Variants in ERBIN observed in about 807,000 individuals in gnomAD.
The protein encoded by ERBIN is erbb2 interacting protein.
A neutral mutation model predicts 158.4 loss-of-function variants in ERBIN; 60 were observed. That is an observed-to-expected ratio of 0.38 (90% CI 0.31 to 0.47). The LOEUF (loss-of-function observed/expected upper bound fraction) is 0.47. Among genes scored for constraint, ERBIN ranks in the 20% least tolerant of loss-of-function variants. The pLI, the probability that ERBIN is intolerant of heterozygous loss-of-function variation, is 0.99. For missense variants in ERBIN, 1,610 were observed against 1,648.0 expected (o/e 0.98, Z 0.40); for synonymous variants, 594 against 557.2 (o/e 1.07, Z -0.93).
chr5:66,058,351 C>T (rs1759859225), intron 21 of ERBIN, among the ~76,000 whole-genome samples: 1 of 152,044 alleles, frequency 6.6e-6, no homozygotes, highest in East Asian at 1.9e-4. Context: ...TGAGAAGTGT[C>T]TGTTCATATG....
intron 21 of ERBIN, 40 bp from the exon 22 acceptor site, chr5:66,072,129 A>C: frequency 6.5e-7 from 1 of 1,540,348 alleles, no homozygotes; most frequent in Non-Finnish European, 8.8e-7. Context: ...TCACATCTTA[A>C]AGAACATTAT....
In ERBIN at chr5:66,053,389, A is replaced by C; in HGVS notation, c.2088-17A>C. 1 of 1,395,470 alleles carries C rather than the reference A, an allele frequency of 7.2e-7. No individual in the cohort carries two copies. The highest frequency in any genetic ancestry group is 1.9e-5 in the South Asian group (1 of 53,756). 86.4% of individuals were successfully genotyped at this position (1,395,470 alleles called of 1,614,324 possible). ...CTCGGCTTTATTATGTTTTTCATAA[A>C]ATTATCTTTATTTTAGGCAAGAAGA... On this transcript the variant is annotated splice_polypyrimidine_tract_variant and intron_variant, in intron 20 of 25. Transcript: ENST00000284037.
At chr5:65,940,150 C>A (rs902995759) in intron 1 of ERBIN, among the ~76,000 whole-genome samples, 2 of 151,376 alleles carry the variant, frequency 1.3e-5, no homozygotes, top group Non-Finnish European at 3.0e-5. Context: ...AGGAGCGTCT[C>A]TGCCCGGCCG....
At chr5:66,042,213 A>G (rs914183846) in intron 15 of ERBIN, among the ~76,000 whole-genome samples, 1 of 152,040 alleles carries the variant, frequency 6.6e-6, no homozygotes, top group Non-Finnish European at 1.5e-5. Flanking sequence ...TGTTTTGAGT[A>G]AAGGATAGTC....
intron 22 of ERBIN, among the ~76,000 whole-genome samples, chr5:66,073,910 G>A (rs973786283): frequency 2.6e-5 from 4 of 151,956 alleles, no homozygotes; most frequent in Admixed American, 6.6e-5. Flanking sequence ...ATGGAGTCTC[G>A]CTCTGTCACC....
intron 1 of ERBIN, among the ~76,000 whole-genome samples, chr5:65,927,492 C>G (rs992590380): frequency 4.6e-5 from 7 of 152,064 alleles, no homozygotes; most frequent in South Asian, 2.1e-4. Flanking sequence ...TTTCTTGTAA[C>G]TGATCCATTA....
intron 21 of ERBIN, among the ~76,000 whole-genome samples, chr5:66,056,775 G>A (rs1759623794): frequency 6.6e-6 from 1 of 152,070 alleles, no homozygotes; most frequent in Non-Finnish European, 1.5e-5. Context: ...GAAGTTACGA[G>A]GGGTGCTTGT....
chr5:66,041,511 A>G (rs1757915398), intron 15 of ERBIN, among the ~76,000 whole-genome samples: 1 of 152,106 alleles, frequency 6.6e-6, no homozygotes, highest in South Asian at 2.1e-4. Flanking sequence ...AGCCTCTAGA[A>G]TGGATAGAAA....
At chr5:65,995,019 C>T (rs1180042092) in intron 4 of ERBIN, among the ~76,000 whole-genome samples, 155 bp downstream of exon 4, 1 of 152,092 alleles carries the variant, frequency 6.6e-6, no homozygotes, top group Non-Finnish European at 1.5e-5. Flanking sequence ...AAGATAGTTG[C>T]CCGACTTTAC....
intron 4 of ERBIN, among the ~76,000 whole-genome samples, chr5:66,011,514 C>T (rs1162251109): frequency 6.6e-6 from 1 of 152,040 alleles, no homozygotes; most frequent in Non-Finnish European, 1.5e-5. Flanking sequence ...ATGGTGAAAC[C>T]CCGTCTCTAC....
At chr5:66,069,496 T>C (rs1348330245) in intron 21 of ERBIN, among the ~76,000 whole-genome samples, 1 of 152,168 alleles carries the variant, frequency 6.6e-6, no homozygotes, top group African/African-American at 2.4e-5. Flanking sequence ...CTGGAGAAAT[T>C]GTAATAAGTG....
intron 1 of ERBIN, among the ~76,000 whole-genome samples, chr5:65,936,627 A>T (rs1580067222): frequency 6.6e-6 from 1 of 152,196 alleles, no homozygotes; most frequent in Non-Finnish European, 1.5e-5. Context: ...TCTGTCTTAC[A>T]AATGTCTACA....
intron 18 of ERBIN, 67 bp downstream of exon 18, chr5:66,046,605 A>G: frequency 7.8e-7 from 1 of 1,278,034 alleles, no homozygotes; most frequent in Non-Finnish European, 1.1e-6. Flanking sequence ...TTGTTGCTAA[A>G]TAAAGACCTG....
At chr5:66,033,008 A>G (rs530191852) in intron 14 of ERBIN, among the ~76,000 whole-genome samples, 4 of 152,332 alleles carry the variant, frequency 2.6e-5, no homozygotes, top group East Asian at 1.9e-4. Context: ...GGTATATCCA[A>G]GTTAGCCATG....
chr5:66,072,056 T>TC (rs1761581813), intron 21 of ERBIN, 113 bp from the exon 22 acceptor site: 1 of 1,085,080 alleles, frequency 9.2e-7, no homozygotes, highest in Admixed American at 2.6e-5. Flanking sequence ...ATTTGGGTCT[T>TC]CATCTTTGCA....
chr5:65,959,517 G>A (rs1346808467), intron 1 of ERBIN, among the ~76,000 whole-genome samples: 3 of 152,186 alleles, frequency 2.0e-5, no homozygotes, highest in Non-Finnish European at 4.4e-5. Flanking sequence ...TTTAATGTAA[G>A]AGCAGGAGAT....
intron 5 of ERBIN, 25 bp from the exon 6 acceptor site, chr5:66,013,524 A>G (rs1754422976): frequency 1.4e-6 from 2 of 1,433,492 alleles, no homozygotes; most frequent in African/African-American, 1.4e-5. Context: ...CATGAACTTA[A>G]CTTAAATTCT....
intron 4 of ERBIN, among the ~76,000 whole-genome samples, chr5:66,003,118 G>A (rs547687235): frequency 2.0e-5 from 3 of 152,246 alleles, no homozygotes; most frequent in East Asian, 1.9e-4. Context: ...TGCAATTTCC[G>A]GTTAGTTTTG....
intron 3 of ERBIN, among the ~76,000 whole-genome samples, chr5:65,993,844 G>C (rs1752141628): frequency 6.6e-6 from 1 of 152,086 alleles, no homozygotes; most frequent in South Asian, 2.1e-4. Flanking sequence ...GGATATACTT[G>C]TACTAAAAAA....
Sources: allele counts gnomAD v4.1 joint callset (sites outside exome capture counted in the v4.1 genomes callset), GRCh38; gene constraint gnomAD v4.1.1; transcripts MANE v1.5; gene names NCBI Gene and HGNC (gene_info 2026-07-23, HGNC 2026-07-21).